The following BCO2 variants were observed in gnomAD, a reference collection of about 807,000 sequenced individuals.
BCO2 encodes the protein beta-carotene oxygenase 2, also known as carotenoid-cleaving dioxygenase, mitochondrial.
BCO2 carries 56 observed loss-of-function variants against 65.8 expected under a neutral mutation model. The ratio of observed to expected loss-of-function variants is 0.85; its 90% CI spans 0.69 to 1.06. BCO2 has a LOEUF of 1.06. Ranked by LOEUF, BCO2 falls within the 50% of genes least tolerant of loss-of-function variation. The pLI is 0.00. For missense variants in BCO2, 675 were observed against 698.5 expected, an observed-to-expected ratio of 0.97 and a Z score of 0.38; for synonymous variants, 233 against 242.3, an observed-to-expected ratio of 0.96 and a Z score of 0.36.
chr11:112,204,884 C>T (rs1442441934), intron 8 of BCO2, among the ~76,000 whole-genome samples: 3 of 152,162 alleles, frequency 2.0e-5, no homozygotes, highest in South Asian at 2.1e-4. Context: ...AGGCTGCTCT[C>T]GAACTCCTGA....
intron 11 of BCO2, 47 bp downstream of exon 11, chr11:112,216,377 G>A: frequency 7.0e-7 from 1 of 1,428,592 alleles, no homozygotes. Flanking sequence ...GTAGCACTGA[G>A]TCATCTGATA....
intron 8 of BCO2, among the ~76,000 whole-genome samples, chr11:112,213,298 C>T (rs1859565876): frequency 1.3e-5 from 2 of 151,620 alleles, no homozygotes; most frequent in Non-Finnish European, 2.9e-5. Flanking sequence ...CATGAGCCAC[C>T]ATGCCCGGCT....
At chr11:112,191,161 A>T (rs978982861) in intron 2 of BCO2, among the ~76,000 whole-genome samples, 1 of 151,772 alleles carries the variant, frequency 6.6e-6, no homozygotes, top group African/African-American at 2.4e-5. Flanking sequence ...GACATTGACC[A>T]GAGACACAAG....
intron 2 of BCO2, 52 bp from the exon 3 acceptor site, chr11:112,193,422 T>C (rs1867458258): frequency 1.3e-6 from 2 of 1,508,510 alleles, no homozygotes; most frequent in Admixed American, 1.8e-5. Flanking sequence ...CTGTCCCTCA[T>C]TTTTATCTCA....
chr11:112,198,396 G>A (rs1867638074), intron 5 of BCO2, among the ~76,000 whole-genome samples: 2 of 152,066 alleles, frequency 1.3e-5, no homozygotes, highest in African/African-American at 2.4e-5. Flanking sequence ...CTGTATACAA[G>A]TGCCTAGAAT....
intron 2 of BCO2, among the ~76,000 whole-genome samples, chr11:112,183,558 A>T (rs1592836805): frequency 2.6e-5 from 4 of 152,254 alleles, no homozygotes; most frequent in Admixed American, 2.6e-4. Flanking sequence ...ATTTTAATTT[A>T]TGGAAAGCAC....
Position 112,179,281 on chromosome 11 carries a change from T to G in BCO2, c.92T>G (p.Phe31Cys), listed in dbSNP as rs768450979. 1.2e-6 allele frequency: 2 copies of G among 1,614,126 alleles called. No homozygotes were observed. Among genetic ancestry groups the G allele is most frequent in the Admixed American group, 3.3e-5 (2 of 60,024 alleles). Residue 31 changes from phenylalanine to cysteine, a missense_variant, in exon 2 of 12, where the codon TTC becomes TGC. Coordinates refer to ENST00000357685, the MANE Select transcript of BCO2 (RefSeq NM_031938.7). The stretch of plus-strand genomic sequence containing the variant: ...GCTTTTGGTTTCCTCTGCACAGTTT[T>G]CAAAAGGTACATGGGAAATACTCCT... ...LPVMVHRLPVFKRYMGNTPQK... is the reference protein window; with the variant it reads ...LPVMVHRLPVCKRYMGNTPQK...
intron 2 of BCO2, chr11:112,181,006 G>T (rs2135347427): frequency 1.4e-6 from 2 of 1,409,952 alleles, no homozygotes; most frequent in East Asian, 4.6e-5. Context: ...CAGATTCTAA[G>T]CCTCCTGAAG....
intron 2 of BCO2, chr11:112,183,224 A>G (rs1867105129): frequency 2.6e-6 from 2 of 783,694 alleles, no homozygotes; most frequent in Non-Finnish European, 4.6e-6. Context: ...GATCTACAAG[A>G]TGAAAATATT....
In BCO2 at chr11:112,202,101, A is replaced by G. The variant is rs775975502; in HGVS notation, c.1105A>G (p.Ile369Val). The G allele has an allele frequency of 5.0e-5, 80 of 1,613,922 alleles. No homozygotes were observed. Among genetic ancestry groups the G allele is most frequent in the Admixed American group, 3.2e-4 (19 of 59,992 alleles). The change falls in exon 8 of 12, where the codon ATA becomes GTA. Residue 369 changes from isoleucine (I) to valine (V), a missense_variant. Physicochemically the swap from Ile to Val is conservative, Grantham distance 29 (BLOSUM62 3). Transcript: ENST00000357685. The stretch of plus-strand genomic sequence containing the variant: ...TGCCTTTGAGGACCAGGGCTGTGTT[A>G]TAATTGATTTGTGCTGTCAAGATAA... ...INAFEDQGCV[I>V]IDLCCQDNGR...
At chr11:112,177,057 A>G (rs1866906158) in intron 1 of BCO2, among the ~76,000 whole-genome samples, 1 of 152,206 alleles carries the variant, frequency 6.6e-6, no homozygotes, top group African/African-American at 2.4e-5. Flanking sequence ...ACAATGTAAA[A>G]TGCTTTAAAT....
At chr11:112,207,679 A>G (rs1180847068) in intron 8 of BCO2, among the ~76,000 whole-genome samples, 5 of 152,218 alleles carry the variant, frequency 3.3e-5, no homozygotes, top group Non-Finnish European at 5.9e-5. Flanking sequence ...TCAGTTCCCC[A>G]CACAAAAATA....
chr11:112,175,857 A>G, intron 1 of BCO2, 168 bp downstream of exon 1: 1 of 544,186 alleles, frequency 1.8e-6, no homozygotes, highest in Non-Finnish European at 3.3e-6. Context: ...AAGAAGGCTG[A>G]GTTAGGATTG....
At position 112,217,966 on chromosome 11, in the gene BCO2, G is replaced by T. The variant is rs1028404090; in HGVS notation, c.*92G>T. 2.2e-6 allele frequency: 2 copies of T among 901,452 alleles called. No individual in the cohort carries two copies. Among genetic ancestry groups the T allele is most frequent in the Non-Finnish European group, 3.4e-6 (2 of 586,164 alleles). The allele number at this position is 901,452 out of a possible 1,614,324, so 55.8% of individuals were successfully genotyped here. A position where few individuals can be genotyped will look rare whatever the true frequency, so the allele number is the denominator to read the frequency against. On this transcript the variant is annotated 3_prime_UTR_variant, in exon 12 of 12. Transcript: ENST00000357685. ...AAATAAACACTGAGGACTCCAAAAG[G>T]GGGGCAAGGAGGAAGAGGGGCAGGG... is the stretch of plus-strand genomic sequence containing the variant.
In BCO2 at chr11:112,201,275, G is replaced by A. The variant is rs554681545; in HGVS notation, c.1026+502G>A. On this transcript the variant is annotated intron_variant, in intron 7 of 11. Coordinates refer to ENST00000357685, the MANE Select transcript of BCO2 (RefSeq NM_031938.7). ...TGAGTCTCCTGCCTCAGCCTCCCGA[G>A]TAGCTGGGACTACAGGTGTGTGCCA... Among the ~76,000 whole-genome samples, 14 of 152,080 alleles carry A rather than the reference G, an allele frequency of 9.2e-5. 1 individual carries two copies. The South Asian group carries it at 2.7e-3, about 29-fold the overall frequency.
rs1469970094 is a variant in BCO2, at chr11:112,193,524, C to T, written c.344C>T (p.Ala115Val). 1 of 1,614,016 alleles carries T rather than the reference C, an allele frequency of 6.2e-7. No individual in the cohort carries two copies. Among genetic ancestry groups the T allele is most frequent in the African/African-American group, 1.3e-5 (1 of 74,912 alleles). Reference sequence around the variant, plus strand: ...GCGCTGCTTCACCAGTTCAGAATGGCAAAGGGCACAGTGACATACAGGAGC... The same window carrying T: ...GCGCTGCTTCACCAGTTCAGAATGGTAAAGGGCACAGTGACATACAGGAGC... ...GMALLHQFRM[A>V]KGTVTYRSKF... The change falls in exon 3 of 12, where the codon GCA becomes GTA. Residue 115 changes from alanine (A) to valine (V), a missense_variant. Physicochemically the swap from Ala to Val is moderately conservative, Grantham distance 64. Transcript: ENST00000357685.
rs1433262604 is a variant in BCO2 at position 112,176,526 on chromosome 11, G to GGT, written c.88+838_88+839insTG. The stretch of plus-strand genomic sequence containing the variant: ...GAAGAAAATTGATTGGCGGGGGGGG[G>GGT]GGAATTAAACATTCTATTTTGACAT... On this transcript the variant is annotated intron_variant, in intron 1 of 11. Transcript: ENST00000357685. The GGT allele has an allele frequency of 2.5e-5, 3 of 122,368 alleles. 1 individual carries two copies. The highest frequency in any genetic ancestry group is 5.1e-5 in the Non-Finnish European group (3 of 58,436). 7.6% of individuals were successfully genotyped at this position (122,368 alleles called of 1,614,324 possible).
At position 112,200,756 on chromosome 11, in the gene BCO2, G is replaced by C. The variant is rs1351554859; in HGVS notation, c.1009G>C (p.Glu337Gln). 2 of 1,613,344 alleles carry C rather than the reference G, an allele frequency of 1.2e-6. No individual in the cohort carries two copies. Among genetic ancestry groups the C allele is most frequent in the East Asian group, 4.5e-5 (2 of 44,878 alleles). ...PQCNTRFHVV[E>Q]KRTGQLLPGR... Reference sequence around the variant, plus strand: ...GTGTAATACGCGGTTTCATGTGGTGGAAAAACGCACTGGACAGGTGGAGTA... The same window carrying C: ...GTGTAATACGCGGTTTCATGTGGTGCAAAAACGCACTGGACAGGTGGAGTA... The change falls in exon 7 of 12, where the codon GAA (glutamate) becomes CAA (glutamine). Residue 337 changes from glutamate (E) to glutamine (Q), a missense_variant. Physicochemically the swap from Glu to Gln is conservative, Grantham distance 29 (BLOSUM62 2). Transcript: ENST00000357685.
rs1867754714 is a variant in BCO2 at position 112,202,201 on chromosome 11, G to A, written c.1194+11G>A. On this transcript the variant is annotated intron_variant, in intron 8 of 11. Coordinates refer to ENST00000357685, the MANE Select transcript of BCO2 (RefSeq NM_031938.7). ...GAAGGGCTTGATCAGGTAAACATTAGAATTTGTCAAGAGTCATCAAAATAA... is the reference window on the plus strand; with the variant it reads ...GAAGGGCTTGATCAGGTAAACATTAAAATTTGTCAAGAGTCATCAAAATAA... 5.6e-6 allele frequency: 9 copies of A among 1,597,878 alleles called. No homozygotes were observed.
Sources: allele counts gnomAD v4.1 joint callset (sites outside exome capture counted in the v4.1 genomes callset), GRCh38; gene constraint gnomAD v4.1.1; transcripts MANE v1.5; gene names NCBI Gene and HGNC (gene_info 2026-07-23, HGNC 2026-07-21).